Variants in CDH6 observed in about 807,000 individuals in gnomAD.
The protein encoded by CDH6 is cadherin-6.
Under a neutral mutation model 78.0 loss-of-function variants are expected in CDH6, and 31 were observed. The ratio of observed to expected loss-of-function variants is 0.40; its 90% CI spans 0.30 to 0.54. The LOEUF (loss-of-function observed/expected upper bound fraction) is 0.54, where lower values mean the gene tolerates loss of function less well. Among genes scored for constraint, CDH6 ranks in the 20% least tolerant of loss-of-function variants. The pLI is 0.56. For synonymous variants in CDH6, 376 were observed against 368.8 expected (o/e 1.02, Z -0.23); for missense variants, 724 against 975.9 (o/e 0.74, Z 3.44).
At chr5:31,243,012 T>C (rs1479361695) in intron 1 of CDH6, among the ~76,000 whole-genome samples, 7 of 152,206 alleles carry the variant, frequency 4.6e-5, no homozygotes, top group Admixed American at 3.3e-4. Flanking sequence ...TCCCTGGCAC[T>C]GATAAGACCT....
chr5:31,258,547 T>G (rs1028351259), intron 1 of CDH6, among the ~76,000 whole-genome samples: 10 of 151,974 alleles, frequency 6.6e-5, no homozygotes, highest in African/African-American at 2.2e-4. Context: ...GATGACAGAT[T>G]GATGGGTGCA....
intron 1 of CDH6, among the ~76,000 whole-genome samples, chr5:31,200,936 C>T (rs1579806501): frequency 6.6e-6 from 1 of 152,242 alleles, no homozygotes; most frequent in East Asian, 1.9e-4. Flanking sequence ...ATGACTTTAT[C>T]TAATACTCTT....
chr5:31,259,622 T>C (rs1020423511), intron 1 of CDH6, among the ~76,000 whole-genome samples: 1 of 152,230 alleles, frequency 6.6e-6, no homozygotes, highest in African/African-American at 2.4e-5. Context: ...CCTACAATTC[T>C]GCAACCTAAA....
intron 6 of CDH6, among the ~76,000 whole-genome samples, chr5:31,304,180 C>CAAA (rs200624527): frequency 2.8e-5 from 4 of 144,098 alleles, no homozygotes; most frequent in Non-Finnish European, 6.1e-5. Flanking sequence ...AAAACAACAA[C>CAAA]AACAAAAAAA....
At chr5:31,293,028 G>A (rs1737454395) in intron 2 of CDH6, among the ~76,000 whole-genome samples, 2 of 151,774 alleles carry the variant, frequency 1.3e-5, no homozygotes, top group South Asian at 4.2e-4. Flanking sequence ...AAGGAAACAT[G>A]GACTACTTAT....
chr5:31,265,080 A>G (rs1275744874), intron 1 of CDH6, among the ~76,000 whole-genome samples: 2 of 152,162 alleles, frequency 1.3e-5, no homozygotes, highest in Non-Finnish European at 2.9e-5. Flanking sequence ...GTAATTCTTC[A>G]CTGCAGGATT....
rs1579921322 is a variant in CDH6 at position 31,326,053 on chromosome 5, T to G, written c.*2745T>G. The G allele has an allele frequency of 1.3e-5, 3 of 230,586 alleles. No individual in the cohort carries two copies. The highest frequency in any genetic ancestry group is 2.6e-5 in the Non-Finnish European group (3 of 116,864). 14.3% of individuals were successfully genotyped at this position (230,586 alleles called of 1,614,324 possible). ...TTTAATTGCTAGGTCCCAGGCAACA[T>G]GAAAGATTATTGGAGAAAAAAATAA... On this transcript the variant is annotated 3_prime_UTR_variant, in exon 12 of 12. Transcript: ENST00000265071.
rs1740263032 is a variant in CDH6 at position 31,199,434 on chromosome 5, GTGTATATATA to G, written c.-129+5549_-129+5558del. 7.5e-5 allele frequency among the ~76,000 whole-genome samples: 4 copies of G among 53,182 alleles called. No homozygotes were observed. In the Admixed American group the frequency reaches 7.7e-4, roughly 10 times the overall value. The allele number at this position is 53,182 out of a possible 152,430, so 34.9% of individuals were successfully genotyped here. A position where few individuals can be genotyped will look rare whatever the true frequency, so the allele number is the denominator to read the frequency against. On this transcript the variant is annotated intron_variant, in intron 1 of 11. Coordinates refer to ENST00000265071, the MANE Select transcript of CDH6 (RefSeq NM_004932.4). Reference sequence around the variant, plus strand: ...ATGGTGTATATATGTACACACATATGTGTATATATACACACACATATGTGTATATATACAC... The same window carrying G: ...ATGGTGTATATATGTACACACATATGCACACACATATGTGTATATATACAC...
At chr5:31,232,920 C>T (rs376194210) in intron 1 of CDH6, among the ~76,000 whole-genome samples, 4 of 152,238 alleles carry the variant, frequency 2.6e-5, no homozygotes, top group East Asian at 3.9e-4. Context: ...TAATACTCCC[C>T]GTTGTACAGA....
chr5:31,209,053 C>T (rs1418125610), intron 1 of CDH6, among the ~76,000 whole-genome samples: 2 of 152,286 alleles, frequency 1.3e-5, no homozygotes, highest in East Asian at 1.9e-4. Context: ...TGGATGATTT[C>T]CCTTATAATT....
chr5:31,293,432 A>C (rs1310386818), intron 2 of CDH6, among the ~76,000 whole-genome samples: 1 of 152,168 alleles, frequency 6.6e-6, no homozygotes, highest in African/African-American at 2.4e-5. Context: ...TAAAGACTCA[A>C]GGAGGTTGCC....
intron 1 of CDH6, among the ~76,000 whole-genome samples, chr5:31,208,137 A>G (rs1490990444): frequency 6.6e-6 from 1 of 152,198 alleles, no homozygotes; most frequent in East Asian, 1.9e-4. Context: ...TTTGACACAT[A>G]TAGAATATGC....
intron 1 of CDH6, among the ~76,000 whole-genome samples, chr5:31,222,617 C>T (rs1314421772): frequency 6.6e-6 from 1 of 152,068 alleles, no homozygotes; most frequent in African/African-American, 2.4e-5. Context: ...CTCACTTAAT[C>T]CTCTTAATAT....
At chr5:31,292,761 A>ATTTGCG (rs796601372) in intron 2 of CDH6, among the ~76,000 whole-genome samples, 1 of 3,468 alleles carries the variant, frequency 2.9e-4, no homozygotes, top group Non-Finnish European at 4.9e-4. Context: ...ATATATATAT[A>ATTTGCG]TGTGCGTGTG....
In CDH6 at chr5:31,302,430, A is replaced by T. The variant is rs1579899432; in HGVS notation, c.999+132A>T. On this transcript the variant is annotated intron_variant, in intron 6 of 11. Coordinates refer to ENST00000265071, the MANE Select transcript of CDH6 (RefSeq NM_004932.4). ...TATTTTACTTATTATTTTCAGAAAAATGCCAGTTCTGGCCGGGCATGGTGG... is the reference window on the plus strand; with the variant it reads ...TATTTTACTTATTATTTTCAGAAAATTGCCAGTTCTGGCCGGGCATGGTGG... The T allele has an allele frequency of 5.3e-6, 4 of 756,316 alleles. No homozygotes were observed. In the South Asian group the frequency reaches 1.2e-4, roughly 22 times the overall value. 46.9% of individuals were successfully genotyped at this position (756,316 alleles called of 1,614,324 possible).
chr5:31,220,570 G>T (rs1192947819), intron 1 of CDH6, among the ~76,000 whole-genome samples: 2 of 152,062 alleles, frequency 1.3e-5, no homozygotes, highest in Non-Finnish European at 2.9e-5. Context: ...CACAGTCCCT[G>T]CCCTTGAGAA....
rs146108866 is a variant in CDH6 at position 31,302,176 on chromosome 5, A to G, written c.877A>G (p.Ser293Gly). Residue 293 changes from serine (S) to glycine (G), a missense_variant, in exon 6 of 12, where the codon AGC (serine) becomes GGC (glycine). Ser to Gly is a moderately conservative substitution (Grantham distance 56). Coordinates refer to ENST00000265071, the MANE Select transcript of CDH6 (RefSeq NM_004932.4). The part of the protein sequence containing the change: ...PGTPIGRIKA[S>G]DADVGENAEI... ...GACACCAATTGGCAGAATCAAAGCC[A>G]GCGACGCTGATGTGGGAGAAAATGC... 5.0e-6 allele frequency: 8 copies of G among 1,614,106 alleles called. No homozygotes were observed. The highest frequency in any genetic ancestry group is 6.8e-6 in the Non-Finnish European group (8 of 1,179,952).
At chr5:31,199,747 T>C (rs1459811178) in intron 1 of CDH6, among the ~76,000 whole-genome samples, 6 of 141,422 alleles carry the variant, frequency 4.2e-5, no homozygotes, top group Non-Finnish European at 4.6e-5. Flanking sequence ...ACCAGTATCT[T>C]GGCTCAGAAC....
chr5:31,217,018 C>A (rs566101779), intron 1 of CDH6, among the ~76,000 whole-genome samples: 1 of 152,124 alleles, frequency 6.6e-6, no homozygotes, highest in Middle Eastern at 3.4e-3. Context: ...GCAGAGGGAC[C>A]TTTTATTATG....
Sources: allele counts gnomAD v4.1 joint callset (sites outside exome capture counted in the v4.1 genomes callset), GRCh38; gene constraint gnomAD v4.1.1; transcripts MANE v1.5; gene names NCBI Gene and HGNC (gene_info 2026-07-23, HGNC 2026-07-21).